CLN8: variants seen among roughly 807,000 people sequenced by gnomAD.
CLN8 encodes CLN8 transmembrane ER and ERGIC protein.
CLN8 carries 14 observed loss-of-function variants against 15.7 expected under a neutral mutation model. The ratio of observed to expected loss-of-function variants is 0.89; its 90% CI spans 0.59 to 1.39. The LOEUF (loss-of-function observed/expected upper bound fraction) is 1.39. Among genes scored for constraint, CLN8 ranks in the 40% most tolerant of loss-of-function variants. CLN8 has a pLI of 0.00. For missense variants in CLN8, 415 were observed against 364.0 expected, an observed-to-expected ratio of 1.14 and a Z score of -1.14; for synonymous variants, 188 against 151.0, an observed-to-expected ratio of 1.25 and a Z score of -1.80.
chr8:1,762,122 C>T (rs1800812407), upstream of CLN8: 1 of 152,180 alleles, frequency 6.6e-6, no homozygotes, highest in Non-Finnish European at 1.5e-5. Context: ...GGTCAGATCT[C>T]TCACTGTCTC....
chr8:1,773,258 G>T (rs1426371679), intron 2 of CLN8, among the ~76,000 whole-genome samples: 1 of 152,136 alleles, frequency 6.6e-6, no homozygotes, highest in Non-Finnish European at 1.5e-5. Flanking sequence ...CGGAGTTAAG[G>T]CAAGTGAATG....
At position 1,767,090 on chromosome 8, in the gene CLN8, C is replaced by T. The variant is rs1801093498; in HGVS notation, c.-124+3205C>T. Among the ~76,000 whole-genome samples, 3 of 152,238 alleles carry T rather than the reference C, an allele frequency of 2.0e-5. No homozygotes were observed. The South Asian group carries it at 6.2e-4, about 32-fold the overall frequency. On this transcript the variant is annotated intron_variant, in intron 1 of 2. Coordinates refer to ENST00000331222, the MANE Select transcript of CLN8 (RefSeq NM_018941.4). ...CTGCCTCTGGGACTGGCCTTCTACC[C>T]TCATGGCTGAGAGAGCTGAGGAGTT...
At chr8:1,769,956 C>T (rs2078610449) in intron 1 of CLN8, among the ~76,000 whole-genome samples, 1 of 152,150 alleles carries the variant, frequency 6.6e-6, no homozygotes, top group African/African-American at 2.4e-5. Flanking sequence ...AGCAAGTCTC[C>T]CGCCTTCACA....
chr8:1,775,146 TA>T (rs1224787546), intron 2 of CLN8, among the ~76,000 whole-genome samples: 1 of 152,010 alleles, frequency 6.6e-6, no homozygotes, highest in Non-Finnish European at 1.5e-5. Flanking sequence ...AATATAACAA[TA>T]AAAAATATAA....
rs778441050 is a variant in CLN8, at chr8:1,784,544, A to G, written c.*3977A>G. The G allele has an allele frequency of 2.0e-5, 3 of 152,320 alleles. No homozygotes were observed. Among genetic ancestry groups the G allele is most frequent in the Non-Finnish European group, 2.9e-5 (2 of 68,092 alleles). The allele number at this position is 152,320 out of a possible 1,614,324, so 9.4% of individuals were successfully genotyped here. On this transcript the variant is annotated 3_prime_UTR_variant, in exon 3 of 3. Coordinates refer to ENST00000331222, the MANE Select transcript of CLN8 (RefSeq NM_018941.4). ...TGTGAATTCTGGAGGGGACACGGTCACACTGCAGCATCAGCACCCGGTGAA... is the reference window on the plus strand; with the variant it reads ...TGTGAATTCTGGAGGGGACACGGTCGCACTGCAGCATCAGCACCCGGTGAA...
At chr8:1,754,390 T>G (rs895220352), upstream of CLN8, among the ~76,000 whole-genome samples, 36 of 152,196 alleles carry the variant, frequency 2.4e-4, no homozygotes, top group African/African-American at 7.5e-4. Flanking sequence ...TACTTTCCAG[T>G]CTTATGTAAA....
chr8:1,772,668 C>A (rs539164868), intron 2 of CLN8, among the ~76,000 whole-genome samples: 2 of 151,626 alleles, frequency 1.3e-5, no homozygotes, highest in African/African-American at 4.8e-5. Flanking sequence ...TTAGTAGAGA[C>A]GGAGTTTCAC....
chr8:1,753,460 A>G (rs530826357), upstream of CLN8, among the ~76,000 whole-genome samples: 252 of 150,534 alleles, frequency 1.7e-3, 1 homozygote, highest in African/African-American at 5.8e-3. Flanking sequence ...AATCCCAGCT[A>G]CTCGGGAGGC....
intron 2 of CLN8, chr8:1,773,974 T>C (rs1801414789): frequency 6.6e-6 from 1 of 152,228 alleles, no homozygotes; most frequent in Non-Finnish European, 1.5e-5. Flanking sequence ...TTTTGAGAAA[T>C]AGATTAATAG....
At chr8:1,755,396 T>C (rs1360628141), upstream of CLN8, among the ~76,000 whole-genome samples, 4 of 152,188 alleles carry the variant, frequency 2.6e-5, no homozygotes, top group East Asian at 5.8e-4. Context: ...CTCACTGGCA[T>C]GGAGCTGTAG....
At chr8:1,760,688 T>C (rs1800771367), upstream of CLN8, among the ~76,000 whole-genome samples, 1 of 152,076 alleles carries the variant, frequency 6.6e-6, no homozygotes, top group Non-Finnish European at 1.5e-5. Flanking sequence ...TTAGTAGGAA[T>C]CTAAGGAACC....
upstream of CLN8, among the ~76,000 whole-genome samples, chr8:1,753,229 C>T (rs1005426903): frequency 3.3e-5 from 5 of 152,152 alleles, no homozygotes; most frequent in African/African-American, 1.2e-4. Flanking sequence ...CTGATTCTTG[C>T]CCACCTCATT....
upstream of CLN8, among the ~76,000 whole-genome samples, chr8:1,755,555 C>G (rs13273566): frequency 0.017 from 2,575 of 152,294 alleles, 38 homozygotes; most frequent in Middle Eastern, 0.031. Context: ...AACACCGTGT[C>G]GCAGGTCCTG....
chr8:1,768,387 C>G, intron 1 of CLN8, among the ~76,000 whole-genome samples: 1 of 152,214 alleles, frequency 6.6e-6, no homozygotes, highest in Non-Finnish European at 1.5e-5. Context: ...ATCACTTGGG[C>G]TCACCACTTC....
chr8:1,769,974 C>T (rs368426699), intron 1 of CLN8, among the ~76,000 whole-genome samples: 2 of 152,164 alleles, frequency 1.3e-5, no homozygotes, highest in Non-Finnish European at 2.9e-5. Flanking sequence ...ACAGCAGTCC[C>T]AATCAGTCAC....
upstream of CLN8, chr8:1,760,007 C>T (rs1224213154): frequency 6.6e-6 from 1 of 152,194 alleles, no homozygotes; most frequent in African/African-American, 2.4e-5. Context: ...AACCAAACCT[C>T]ACAATGAGCG....
At chr8:1,766,612 C>T (rs530619532) in intron 1 of CLN8, among the ~76,000 whole-genome samples, 14 of 151,984 alleles carry the variant, frequency 9.2e-5, no homozygotes, top group East Asian at 3.9e-4. Context: ...AGGATGGTCT[C>T]GATCTCCTGA....
At chr8:1,761,734 G>C (rs1353792694), upstream of CLN8, among the ~76,000 whole-genome samples, 1 of 152,210 alleles carries the variant, frequency 6.6e-6, no homozygotes, top group Non-Finnish European at 1.5e-5. Flanking sequence ...CTGTCCTCTT[G>C]GCCTGAGCCG....
chr8:1,757,724 G>A (rs1211976514), intron 1 of CLN8, among the ~76,000 whole-genome samples: 1 of 152,174 alleles, frequency 6.6e-6, no homozygotes, highest in Admixed American at 6.5e-5. Flanking sequence ...GAGCCACCAT[G>A]CTTGGGCACT....
Sources: allele counts gnomAD v4.1 joint callset (sites outside exome capture counted in the v4.1 genomes callset), GRCh38; gene constraint gnomAD v4.1.1; transcripts MANE v1.5; gene names NCBI Gene and HGNC (gene_info 2026-07-23, HGNC 2026-07-21).